Variants in GDF6 observed in about 807,000 individuals in gnomAD.
GDF6 encodes the protein growth/differentiation factor 6.
GDF6 carries 3 observed loss-of-function variants against 32.4 expected under a neutral mutation model. The observed-to-expected ratio is 0.09, with a 90% confidence interval of 0.04 to 0.24. The LOEUF (loss-of-function observed/expected upper bound fraction) is 0.24. Among genes scored for constraint, GDF6 ranks in the 10% least tolerant of loss-of-function variants. The probability of loss-of-function intolerance (pLI) is 1.00; values close to 1 mark genes in which losing one functional copy is unlikely to be tolerated. For synonymous variants in GDF6, 296 were observed against 295.3 expected, an observed-to-expected ratio of 1.00 and a Z score of -0.03; for missense variants, 589 against 637.9, an observed-to-expected ratio of 0.92 and a Z score of 0.83.
intron 1 of GDF6, among the ~76,000 whole-genome samples, chr8:96,157,829 T>G (rs1336420115): frequency 6.6e-6 from 1 of 152,242 alleles, no homozygotes; most frequent in South Asian, 2.1e-4. Context: ...AGGGGCCCGA[T>G]GCTAAGCAAG....
chr8:96,158,627 T>C (rs937008021), intron 1 of GDF6, among the ~76,000 whole-genome samples: 2 of 152,156 alleles, frequency 1.3e-5, no homozygotes, highest in Non-Finnish European at 2.9e-5. Flanking sequence ...TCTTGAGCAG[T>C]CTTCTCTGAG....
intron 1 of GDF6, among the ~76,000 whole-genome samples, chr8:96,148,007 A>C (rs1019349285): frequency 6.6e-6 from 1 of 152,242 alleles, no homozygotes; most frequent in African/African-American, 2.4e-5. Flanking sequence ...CTTTTAAAAA[A>C]AATGTGTGGG....
In GDF6 at chr8:96,144,322, G is replaced by T; in HGVS notation, c.*241C>A. The T allele has an allele frequency of 2.0e-6, 1 of 509,928 alleles. No homozygotes were observed. The highest frequency in any genetic ancestry group is 3.6e-6 in the Non-Finnish European group (1 of 281,148). 31.6% of individuals were successfully genotyped at this position (509,928 alleles called of 1,614,324 possible). On this transcript the variant is annotated 3_prime_UTR_variant, in exon 2 of 2. Transcript: ENST00000287020. The surrounding 1 kb of genome is among the most constrained non-coding windows in gnomAD (Gnocchi z 5.1). ...GAACAAAAGAAATCCTCCTTGGCTT[G>T]TTTTTCCAGGGTGGCCAGGCAAGGT...
At chr8:96,156,822 G>A (rs888669768) in intron 1 of GDF6, among the ~76,000 whole-genome samples, 4 of 152,210 alleles carry the variant, frequency 2.6e-5, no homozygotes, top group Non-Finnish European at 4.4e-5. Context: ...AGTGACTGCA[G>A]ACAAATATTA....
chr8:96,160,663 G>A lies in GDF6; in HGVS notation c.30C>T (p.Ala10=). MDTPRVLLS[A]VFLISFLWDL... ...CCCACAGAAAACTGATGAGGAAGAC[G>A]GCCGAGAGCAGGACCCTGGGAGTAT... is the stretch of plus-strand genomic sequence containing the variant. Residue 10 remains alanine, a synonymous_variant, in exon 1 of 2, where the codon GCC becomes GCT. Coordinates refer to ENST00000287020, the MANE Select transcript of GDF6 (RefSeq NM_001001557.4). 1 of 1,613,616 alleles carries A rather than the reference G, an allele frequency of 6.2e-7. No homozygotes were observed. Among genetic ancestry groups the A allele is most frequent in the South Asian group, 1.1e-5 (1 of 91,086 alleles).
rs567611155 is a variant in GDF6, at chr8:96,153,445, C to G, written c.406+6842G>C. Reference sequence around the variant, plus strand: ...TCGTACTGTTCCCGCGCTGAGCCCTCCCTCCCCATCTCACTGAGGCGCGCA... The same window carrying G: ...TCGTACTGTTCCCGCGCTGAGCCCTGCCTCCCCATCTCACTGAGGCGCGCA... On this transcript the variant is annotated intron_variant, in intron 1 of 1. Coordinates refer to ENST00000287020, the MANE Select transcript of GDF6 (RefSeq NM_001001557.4). Among the ~76,000 whole-genome samples the G allele has an allele frequency of 4.6e-5, 7 of 152,332 alleles. No homozygotes were observed. In the East Asian group the frequency reaches 1.4e-3, roughly 29 times the overall value.
chr8:96,148,922 A>G (rs1260396831), intron 1 of GDF6, among the ~76,000 whole-genome samples: 2 of 152,222 alleles, frequency 1.3e-5, no homozygotes, highest in Non-Finnish European at 2.9e-5. Flanking sequence ...CTACCTGTCT[A>G]AACCTGCATC....
At chr8:96,151,803 C>A (rs1406958964) in intron 1 of GDF6, among the ~76,000 whole-genome samples, 2 of 152,148 alleles carry the variant, frequency 1.3e-5, no homozygotes, top group Admixed American at 6.5e-5. Flanking sequence ...AAATTTGAGT[C>A]CTGATCTGTG....
At chr8:96,158,492 C>T (rs956969324) in intron 1 of GDF6, among the ~76,000 whole-genome samples, 15 of 152,210 alleles carry the variant, frequency 9.9e-5, no homozygotes, top group African/African-American at 3.1e-4. Flanking sequence ...GCGCAGCGAA[C>T]CAGTTATGGT....
At position 96,145,389 on chromosome 8, in the gene GDF6, G is replaced by C; in HGVS notation, c.542C>G (p.Ala181Gly). 6.3e-7 allele frequency: 1 copy of C among 1,576,246 alleles called. No homozygotes were observed. The highest frequency in any genetic ancestry group is 8.6e-7 in the Non-Finnish European group (1 of 1,168,736). The change falls in exon 2 of 2, where the codon GCC (alanine) becomes GGC (glycine). Residue 181 changes from alanine (A) to glycine (G), a missense_variant. Coordinates refer to ENST00000287020, the MANE Select transcript of GDF6 (RefSeq NM_001001557.4). The surrounding 1 kb of genome is among the most constrained non-coding windows in gnomAD (Gnocchi z 5.6). ...QAPSAPWGPP[A>G]GPLHVQLFPC... ...GAAGAGCTGCACGTGGAGCGGCCCGGCTGGTGGCCCCCAGGGCGCTGAGGG... is the reference window on the plus strand; with the variant it reads ...GAAGAGCTGCACGTGGAGCGGCCCGCCTGGTGGCCCCCAGGGCGCTGAGGG...
chr8:96,145,135 C>A lies in GDF6; in HGVS notation c.796G>T (p.Gly266Cys). The A allele has an allele frequency of 6.6e-7, 1 of 1,513,622 alleles. No homozygotes were observed. The highest frequency in any genetic ancestry group is 8.8e-7 in the Non-Finnish European group (1 of 1,139,456). 93.8% of individuals were successfully genotyped at this position (1,513,622 alleles called of 1,614,324 possible). ...PPPDLRSLGF[G>C]RRVRPPQERA... ...TCCTGGGGAGGCCGCACCCTCCGGC[C>A]GAAGCCCAGACTCCGCAGGTCCGGG... The change falls in exon 2 of 2, where the codon GGC becomes TGC. Residue 266 changes from glycine to cysteine, a missense_variant. Coordinates refer to ENST00000287020, the MANE Select transcript of GDF6 (RefSeq NM_001001557.4). The surrounding 1 kb of genome is among the most constrained non-coding windows in gnomAD (Gnocchi z 5.6).
chr8:96,158,079 G>A (rs1034503462), intron 1 of GDF6, among the ~76,000 whole-genome samples: 6 of 152,162 alleles, frequency 3.9e-5, no homozygotes, highest in Admixed American at 3.9e-4. Flanking sequence ...ACCCGGAGAC[G>A]CGGAGGAGAC....
At position 96,144,496 on chromosome 8, in the gene GDF6, A is replaced by T; in HGVS notation, c.*67T>A. The T allele has an allele frequency of 1.3e-6, 2 of 1,577,350 alleles. No individual in the cohort carries two copies. Among genetic ancestry groups the T allele is most frequent in the Non-Finnish European group, 1.7e-6 (2 of 1,161,880 alleles). The stretch of plus-strand genomic sequence containing the variant: ...CTTCCTCCTCCGCCTCTCTGCAGCC[A>T]GGCCTCCCCTGCAAGGCGGACCTTG... On this transcript the variant is annotated 3_prime_UTR_variant, in exon 2 of 2. Coordinates refer to ENST00000287020, the MANE Select transcript of GDF6 (RefSeq NM_001001557.4). The surrounding 1 kb of genome is among the most constrained non-coding windows in gnomAD (Gnocchi z 5.1).
chr8:96,158,935 A>G (rs1812715068), intron 1 of GDF6, among the ~76,000 whole-genome samples: 1 of 149,980 alleles, frequency 6.7e-6, no homozygotes, highest in South Asian at 2.2e-4. Context: ...CCCTCGAGCA[A>G]GGAACGCGAC....
chr8:96,159,135 A>G (rs1366551022), intron 1 of GDF6, among the ~76,000 whole-genome samples: 2 of 152,212 alleles, frequency 1.3e-5, no homozygotes, highest in Admixed American at 6.5e-5. Context: ...GAGCAGGTCA[A>G]AGTCATGGAG....
chr8:96,157,956 C>T (rs1489535781), intron 1 of GDF6, among the ~76,000 whole-genome samples: 2 of 152,194 alleles, frequency 1.3e-5, no homozygotes, highest in Non-Finnish European at 2.9e-5. Flanking sequence ...CGCACCCCCT[C>T]CTCTGCGCAC....
At chr8:96,157,968 C>G (rs1195067441) in intron 1 of GDF6, among the ~76,000 whole-genome samples, 1 of 152,174 alleles carries the variant, frequency 6.6e-6, no homozygotes, top group African/African-American at 2.4e-5. Flanking sequence ...TCTGCGCACC[C>G]CTCCCGCCCG....
chr8:96,155,939 T>G (rs1357145729), intron 1 of GDF6, among the ~76,000 whole-genome samples: 4 of 152,146 alleles, frequency 2.6e-5, no homozygotes, highest in Non-Finnish European at 4.4e-5. Flanking sequence ...AGGTACCAGA[T>G]GAACTTCAAT....
At chr8:96,151,924 AG>A (rs1293827692) in intron 1 of GDF6, among the ~76,000 whole-genome samples, 1 of 152,190 alleles carries the variant, frequency 6.6e-6, no homozygotes, top group Non-Finnish European at 1.5e-5. Flanking sequence ...ATCATTGTAA[AG>A]GTCAGAGTCA....
Sources: allele counts gnomAD v4.1 joint callset (sites outside exome capture counted in the v4.1 genomes callset), GRCh38; gene constraint gnomAD v4.1.1; non-coding constraint Gnocchi (gnomAD v3.1); transcripts MANE v1.5; gene names NCBI Gene and HGNC (gene_info 2026-07-23, HGNC 2026-07-21).